The following REDIC1 variants were observed in gnomAD, a reference collection of about 807,000 sequenced individuals.
REDIC1 encodes HEI10 Interacting Protein 1.
At chr12:39,714,219 A>T in the REDIC1 span, among the ~76,000 whole-genome samples, 3 of 139,718 alleles carry the variant, frequency 2.1e-5, no homozygotes, top group African/African-American at 7.7e-5. Context: ...GCATATACGT[A>T]TATGCATGCA....
chr12:39,835,028 G>A, the REDIC1 span, among the ~76,000 whole-genome samples: 1 of 152,040 alleles, frequency 6.6e-6, no homozygotes, highest in African/African-American at 2.4e-5. Context: ...AACGTGGCCT[G>A]ATGAATTTCG....
At chr12:39,682,646 C>A in the REDIC1 span, 1 of 1,602,130 alleles carries the variant, frequency 6.2e-7, no homozygotes. Flanking sequence ...AAAAGCCCTG[C>A]TGTAATTATG....
At chr12:39,793,389 A>T in the REDIC1 span, among the ~76,000 whole-genome samples, 2 of 152,160 alleles carry the variant, frequency 1.3e-5, no homozygotes, top group Non-Finnish European at 2.9e-5. Flanking sequence ...AAAGACATCA[A>T]TTCATCCCAA....
At chr12:39,763,970 A>T in the REDIC1 span, among the ~76,000 whole-genome samples, 1 of 152,092 alleles carries the variant, frequency 6.6e-6, no homozygotes, top group Non-Finnish European at 1.5e-5. Context: ...CACAGGTGAT[A>T]CAGTGGAAGG....
At chr12:39,757,357 T>C in the REDIC1 span, 1 of 151,870 alleles carries the variant, frequency 6.6e-6, no homozygotes, top group African/African-American at 2.4e-5. Flanking sequence ...AAAATATATA[T>C]TTGATGATAC....
chr12:39,645,333 A>C, the REDIC1 span, among the ~76,000 whole-genome samples: 2 of 152,020 alleles, frequency 1.3e-5, no homozygotes, highest in Non-Finnish European at 2.9e-5. Context: ...AAGCTTTACT[A>C]ATCAGGACTC....
At chr12:39,829,841 C>T in the REDIC1 span, 2 of 418,258 alleles carry the variant, frequency 4.8e-6, no homozygotes, top group African/African-American at 2.0e-5. Context: ...TGAATAGCTG[C>T]CTAAAACTAA....
At chr12:39,712,129 T>TAC in the REDIC1 span, among the ~76,000 whole-genome samples, 6,909 of 130,796 alleles carry the variant, frequency 0.053, 302 homozygotes, top group Non-Finnish European at 0.08. Flanking sequence ...TATATACCTG[T>TAC]ATGTACATAT....
At chr12:39,903,130 T>C in the REDIC1 span, among the ~76,000 whole-genome samples, 1 of 152,176 alleles carries the variant, frequency 6.6e-6, no homozygotes, top group African/African-American at 2.4e-5. Context: ...GGCTGAAATC[T>C]AAATTGGTCT....
the REDIC1 span, among the ~76,000 whole-genome samples, chr12:39,639,957 G>T: frequency 1.3e-5 from 2 of 151,588 alleles, no homozygotes; most frequent in Non-Finnish European, 2.9e-5. Context: ...GTTATTAATA[G>T]AACAAATATC....
chr12:39,686,659 G>GT, the REDIC1 span, among the ~76,000 whole-genome samples: 8 of 150,182 alleles, frequency 5.3e-5, no homozygotes, highest in African/African-American at 2.0e-4. Context: ...CACTTAGCTC[G>GT]TTTTTTACTT....
the REDIC1 span, chr12:39,756,868 T>C: frequency 6.6e-6 from 1 of 151,674 alleles, no homozygotes; most frequent in South Asian, 2.1e-4. Flanking sequence ...TAAAATTAAA[T>C]TATGAAAAAA....
chr12:39,769,996 C>A, the REDIC1 span, among the ~76,000 whole-genome samples: 1 of 152,052 alleles, frequency 6.6e-6, no homozygotes, highest in Non-Finnish European at 1.5e-5. Context: ...CTCTGTGGTG[C>A]TTGACATTGC....
the REDIC1 span, among the ~76,000 whole-genome samples, chr12:39,797,123 C>T: frequency 6.6e-6 from 1 of 152,112 alleles, no homozygotes; most frequent in African/African-American, 2.4e-5. Flanking sequence ...TTAATGAAAA[C>T]TATTCATTTT....
the REDIC1 span, among the ~76,000 whole-genome samples, chr12:39,744,595 A>G: frequency 5.9e-5 from 9 of 152,330 alleles, no homozygotes; most frequent in East Asian, 9.6e-4. Flanking sequence ...AAAGGGCTAT[A>G]GTGTTTTCTG....
the REDIC1 span, among the ~76,000 whole-genome samples, chr12:39,865,255 C>G: frequency 1.3e-5 from 2 of 152,170 alleles, no homozygotes; most frequent in African/African-American, 4.8e-5. Flanking sequence ...GCACGAAAGA[C>G]AATAGATTTC....
chr12:39,667,761 G>A, the REDIC1 span, among the ~76,000 whole-genome samples: 1 of 152,170 alleles, frequency 6.6e-6, no homozygotes, highest in African/African-American at 2.4e-5. Context: ...TGTATTGGGT[G>A]CATATATATT....
At chr12:39,760,291 T>G in the REDIC1 span, 4 of 1,540,508 alleles carry the variant, frequency 2.6e-6, no homozygotes, top group African/African-American at 4.2e-5. Context: ...TATGAATATA[T>G]AGAGAGAGGC....
chr12:39,704,769 G>C, the REDIC1 span, among the ~76,000 whole-genome samples: 1 of 152,342 alleles, frequency 6.6e-6, no homozygotes, highest in Admixed American at 6.5e-5. Context: ...CATGGCCTTT[G>C]TAGGGACATG....
Sources: allele counts gnomAD v4.1 joint callset (sites outside exome capture counted in the v4.1 genomes callset), GRCh38; gene constraint gnomAD v4.1.1; transcripts MANE v1.5; gene names NCBI Gene and HGNC (gene_info 2026-07-23, HGNC 2026-07-21).